FBN1: variants seen among roughly 807,000 people sequenced by gnomAD.
FBN1 encodes fibrillin-1.
In FBN1, 29 loss-of-function variants were observed where a neutral mutation model predicts 365.1. That is an observed-to-expected ratio of 0.08 (90% CI 0.06 to 0.11). The LOEUF is 0.11. Among genes scored for constraint, FBN1 ranks in the 10% least tolerant of loss-of-function variants. FBN1 has a pLI of 1.00. For missense variants in FBN1, 2,476 were observed against 3,703.2 expected, an observed-to-expected ratio of 0.67 and a Z score of 8.60; for synonymous variants, 1,210 against 1,270.5, an observed-to-expected ratio of 0.95 and a Z score of 1.01.
intron 8 of FBN1, among the ~76,000 whole-genome samples, chr15:48,532,394 G>C (rs2043979966): frequency 6.7e-6 from 1 of 148,554 alleles, no homozygotes; most frequent in Non-Finnish European, 1.5e-5. Flanking sequence ...AACTTTAATG[G>C]CTTGTTAAGT....
chr15:48,571,077 G>A lies in FBN1; in HGVS notation c.538+25206C>T, dbSNP rs74011873. Among the ~76,000 whole-genome samples, 5 of 152,156 alleles carry A rather than the reference G, an allele frequency of 3.3e-5. No individual in the cohort carries two copies. In the South Asian group the frequency reaches 6.2e-4, roughly 19 times the overall value. On this transcript the variant is annotated intron_variant, in intron 6 of 65. Coordinates refer to ENST00000316623, the MANE Select transcript of FBN1 (RefSeq NM_000138.5). ...TATTCAGAAACCAAGGGCAATGCAC[G>A]TTCAGGGACAAATGCTAGATTCCCA...
intron 4 of FBN1, among the ~76,000 whole-genome samples, chr15:48,607,773 C>T (rs188154762): frequency 7.5e-4 from 114 of 152,234 alleles, no homozygotes; most frequent in Middle Eastern, 3.4e-3. Flanking sequence ...GTTTATTAAT[C>T]CCAGTGTTAC....
Position 48,463,916 on chromosome 15 carries a change from C to T in FBN1, c.5048G>A (p.Gly1683Glu), listed in dbSNP as rs2043300299. 1.2e-6 allele frequency: 2 copies of T among 1,613,422 alleles called. No homozygotes were observed. The highest frequency in any genetic ancestry group is 1.7e-6 in the Non-Finnish European group (2 of 1,179,692). The part of the protein sequence containing the change: ...ICPPDYMQVN[G>E]GNNCMDMRRS... Reference sequence around the variant, plus strand: ...GGACTTACCCATGCAATTATTTCCCCCATTCACTTGCATGTAGTCTGGAGG... The same window carrying T: ...GGACTTACCCATGCAATTATTTCCCTCATTCACTTGCATGTAGTCTGGAGG... Residue 1683 changes from glycine (G) to glutamate (E), a missense_variant, in exon 41 of 66, where the codon GGG (glycine) becomes GAG (glutamate). This residue lies in a region of FBN1 where 1,780 missense variants were observed against 2,840.8 expected (regional missense o/e 0.63). Transcript: ENST00000316623.
At chr15:48,429,392 T>C (rs1490245859) in intron 56 of FBN1, among the ~76,000 whole-genome samples, 4 of 152,132 alleles carry the variant, frequency 2.6e-5, no homozygotes, top group African/African-American at 9.7e-5. Flanking sequence ...GTTTCCCAGG[T>C]TTAAAAAAAC....
chr15:48,593,164 T>C (rs922170873), intron 6 of FBN1, among the ~76,000 whole-genome samples: 2 of 152,202 alleles, frequency 1.3e-5, no homozygotes, highest in African/African-American at 4.8e-5. Flanking sequence ...ACTATGTTCA[T>C]GGATGATTAA....
Position 48,410,674 on chromosome 15 carries a change from C to A in FBN1, c.*316G>T. The A allele has an allele frequency of 3.0e-6, 1 of 331,136 alleles. No homozygotes were observed. Among genetic ancestry groups the A allele is most frequent in the Non-Finnish European group, 5.6e-6 (1 of 180,150 alleles). The allele number at this position is 331,136 out of a possible 1,614,324, so 20.5% of individuals were successfully genotyped here. On this transcript the variant is annotated 3_prime_UTR_variant, in exon 66 of 66. Coordinates refer to ENST00000316623, the MANE Select transcript of FBN1 (RefSeq NM_000138.5). ...TAGTCCATCAATTGAAAGCACATTC[C>A]CGTACGTTTGCTGGAAGGATGGCAT...
intron 6 of FBN1, among the ~76,000 whole-genome samples, chr15:48,583,096 C>T (rs2044408096): frequency 6.6e-6 from 1 of 152,246 alleles, no homozygotes; most frequent in Non-Finnish European, 1.5e-5. Flanking sequence ...AGCACTGCTT[C>T]CATCTCTCCA....
intron 36 of FBN1, among the ~76,000 whole-genome samples, chr15:48,469,586 G>A (rs1388030673): frequency 6.6e-6 from 1 of 152,144 alleles, no homozygotes; most frequent in Non-Finnish European, 1.5e-5. Context: ...CTGGAGAAGA[G>A]GGACAACACC....
At chr15:48,496,953 T>C (rs2043613384) in intron 19 of FBN1, among the ~76,000 whole-genome samples, 1 of 152,230 alleles carries the variant, frequency 6.6e-6, no homozygotes, top group Admixed American at 6.5e-5. Flanking sequence ...TGTAGTCACA[T>C]GAGAATGGCT....
At chr15:48,604,304 C>T (rs184851607) in intron 4 of FBN1, among the ~76,000 whole-genome samples, 239 of 152,174 alleles carry the variant, frequency 1.6e-3, no homozygotes, top group African/African-American at 5.6e-3. Context: ...ATTTGTATGA[C>T]GAACATGTGA....
At position 48,609,376 on chromosome 15, in the gene FBN1, C is replaced by T. The variant is rs554450419; in HGVS notation, c.346+1352G>A. 6.6e-5 allele frequency among the ~76,000 whole-genome samples: 10 copies of T among 152,258 alleles called. No homozygotes were observed. The South Asian group carries it at 1.2e-3, about 19-fold the overall frequency. On this transcript the variant is annotated intron_variant, in intron 4 of 65. Coordinates refer to ENST00000316623, the MANE Select transcript of FBN1 (RefSeq NM_000138.5). ...GGTGGCTGTTACTGTGTGGGCTCCA[C>T]CAGAAGCAGATTCTGAGACAATAAT...
chr15:48,582,214 G>A (rs954434495), intron 6 of FBN1, among the ~76,000 whole-genome samples: 6 of 152,166 alleles, frequency 3.9e-5, no homozygotes, highest in African/African-American at 1.4e-4. Flanking sequence ...CTACTCATTT[G>A]TTCATTTTTC....
chr15:48,530,560 A>T (rs1786504656), intron 8 of FBN1, among the ~76,000 whole-genome samples: 3 of 146,832 alleles, frequency 2.0e-5, no homozygotes, highest in African/African-American at 5.0e-5. Context: ...CACCGCAGAG[A>T]TTTTTTTTTT....
chr15:48,506,555 T>C (rs1240707665), intron 15 of FBN1, among the ~76,000 whole-genome samples: 1 of 152,252 alleles, frequency 6.6e-6, no homozygotes, highest in Non-Finnish European at 1.5e-5. Flanking sequence ...AAAGGGTTTT[T>C]AATAAGAACG....
At chr15:48,454,615 G>C (rs1417341770) in intron 44 of FBN1, among the ~76,000 whole-genome samples, 1 of 152,198 alleles carries the variant, frequency 6.6e-6, no homozygotes, top group Non-Finnish European at 1.5e-5. Flanking sequence ...TCCAATAAAG[G>C]GGATGGCCTA....
chr15:48,557,855 C>T (rs1167329534), intron 6 of FBN1, among the ~76,000 whole-genome samples: 10 of 152,130 alleles, frequency 6.6e-5, no homozygotes, highest in Non-Finnish European at 1.5e-5. Flanking sequence ...AAAAACTTAA[C>T]ACTCACCTTG....
At chr15:48,616,068 T>C (rs1889647785) in intron 2 of FBN1, among the ~76,000 whole-genome samples, 1 of 152,182 alleles carries the variant, frequency 6.6e-6, no homozygotes, top group South Asian at 2.1e-4. Flanking sequence ...AGTATGAACG[T>C]CTTATCTTTG....
chr15:48,565,635 A>G (rs1473741541), intron 6 of FBN1, among the ~76,000 whole-genome samples: 2 of 151,940 alleles, frequency 1.3e-5, no homozygotes, highest in Non-Finnish European at 2.9e-5. Context: ...TAAAAAAAAA[A>G]AAAGAAAAAG....
chr15:48,444,014 G>C (rs1285715787), intron 49 of FBN1, among the ~76,000 whole-genome samples: 4 of 152,144 alleles, frequency 2.6e-5, no homozygotes, highest in Admixed American at 2.0e-4. Context: ...CCTGGTGACA[G>C]AGTAAGACCC....
Sources: allele counts gnomAD v4.1 joint callset (sites outside exome capture counted in the v4.1 genomes callset), GRCh38; gene constraint gnomAD v4.1.1; regional missense constraint gnomAD v4.1.1; transcripts MANE v1.5; gene names NCBI Gene and HGNC (gene_info 2026-07-23, HGNC 2026-07-21).